The following RIN2 variants were observed in gnomAD, a reference collection of about 807,000 sequenced individuals.
The protein encoded by RIN2 is Ras and Rab interactor 2.
Under a neutral mutation model 78.0 loss-of-function variants are expected in RIN2, and 36 were observed. The observed-to-expected ratio is 0.46, with a 90% CI of 0.35 to 0.61. RIN2 has a LOEUF of 0.61. Ranked by LOEUF, RIN2 falls within the 20% of genes least tolerant of loss-of-function variation. RIN2 has a pLI of 0.00. For synonymous variants in RIN2, 466 were observed against 466.8 expected (o/e 1.00, Z 0.02); for missense variants, 1,087 against 1,159.7 (o/e 0.94, Z 0.91).
intron 3 of RIN2, among the ~76,000 whole-genome samples, chr20:19,905,693 ACTGCACTCC>A (rs2039189154): frequency 6.6e-6 from 1 of 152,226 alleles, no homozygotes; most frequent in Non-Finnish European, 1.5e-5. Context: ...GGCTGCAGCC[ACTGCACTCC>A]AGCCTGGACA....
chr20:19,971,101 G>A (rs748272070), intron 8 of RIN2, among the ~76,000 whole-genome samples, 172 bp downstream of exon 8: 4 of 152,138 alleles, frequency 2.6e-5, no homozygotes, highest in African/African-American at 7.2e-5. Context: ...ACGTGTTGAT[G>A]TCTTCCCTTT....
intron 4 of RIN2, among the ~76,000 whole-genome samples, chr20:19,948,249 C>T (rs554887491): frequency 7.2e-5 from 11 of 152,266 alleles, no homozygotes; most frequent in Non-Finnish European, 1.0e-4. Context: ...ATTTGACTTA[C>T]GGGCCACAAC....
chr20:19,844,665 TCTTC>T lies in RIN2; in HGVS notation c.-36-44896_-36-44893del, dbSNP rs1600597878. Among the ~76,000 whole-genome samples, 219 of 135,966 alleles carry T rather than the reference TCTTC, an allele frequency of 1.6e-3. 1 individual carries two copies. The highest frequency in any genetic ancestry group is 2.4e-3 in the East Asian group (11 of 4,632). The allele number at this position is 135,966 out of a possible 152,430, so 89.2% of individuals were successfully genotyped here. On this transcript the variant is annotated intron_variant, in intron 2 of 12. Transcript: ENST00000255006. The stretch of plus-strand genomic sequence containing the variant: ...TTCTTCTTCTTCTTCTTCTTCTTCT[TCTTC>T]CTTCTTCTTCTTCTTCCTCTTCCTC...
Position 19,867,257 on chromosome 20 carries a change from C to T in RIN2, c.-36-22309C>T, listed in dbSNP as rs375269672. Among the ~76,000 whole-genome samples, 14 of 152,260 alleles carry T rather than the reference C, an allele frequency of 9.2e-5. 1 individual carries two copies. The East Asian group carries it at 1.2e-3, about 13-fold the overall frequency. On this transcript the variant is annotated intron_variant, in intron 2 of 12. Coordinates refer to ENST00000255006, the MANE Select transcript of RIN2 (RefSeq NM_018993.4). ...ATTGGACAGTAAGTTGCATGAGTCA[C>T]GCCTCTTTACCACTCAATACTTTAG...
intron 3 of RIN2, among the ~76,000 whole-genome samples, chr20:19,899,593 T>C (rs1327316795): frequency 6.6e-6 from 1 of 151,936 alleles, no homozygotes; most frequent in Non-Finnish European, 1.5e-5. Flanking sequence ...TTGGGAGGAG[T>C]TGGTGGCCAG....
intron 9 of RIN2, among the ~76,000 whole-genome samples, chr20:19,976,386 C>T (rs1656280501): frequency 1.3e-5 from 2 of 152,186 alleles, no homozygotes; most frequent in Non-Finnish European, 2.9e-5. Flanking sequence ...TCATCCCATA[C>T]ACTTCTGTAA....
At chr20:19,779,240 A>T (rs1850214087) in intron 1 of RIN2, among the ~76,000 whole-genome samples, 1 of 152,158 alleles carries the variant, frequency 6.6e-6, no homozygotes, top group African/African-American at 2.4e-5. Context: ...AGCCAGTTTT[A>T]TATAGCAAAT....
chr20:19,930,243 T>G (rs185531680), intron 3 of RIN2, among the ~76,000 whole-genome samples: 22 of 152,218 alleles, frequency 1.4e-4, no homozygotes, highest in Non-Finnish European at 2.8e-4. Context: ...ATAGGTGGCA[T>G]GGCAATGGTG....
chr20:19,913,165 T>C (rs1489919981), intron 3 of RIN2, among the ~76,000 whole-genome samples: 2 of 152,218 alleles, frequency 1.3e-5, no homozygotes, highest in Non-Finnish European at 1.5e-5. Flanking sequence ...TACCTTGTTT[T>C]CTATGAAGTT....
intron 2 of RIN2, among the ~76,000 whole-genome samples, chr20:19,811,565 A>G (rs1453875537): frequency 1.3e-5 from 2 of 152,186 alleles, no homozygotes; most frequent in Non-Finnish European, 2.9e-5. Context: ...AGCATCCATC[A>G]CAGGGTGCTT....
At chr20:19,873,166 C>CTGGCTCCAGCCAGAGT (rs2037743643) in intron 2 of RIN2, among the ~76,000 whole-genome samples, 1 of 151,110 alleles carries the variant, frequency 6.6e-6, no homozygotes, top group East Asian at 1.9e-4. Flanking sequence ...GCTCTATCAC[C>CTGGCTCCAGCCAGAGT]CAGGCTGGAG....
Position 19,816,711 on chromosome 20 carries a change from C to T in RIN2, c.-37+16964C>T, listed in dbSNP as rs571241113. Among the ~76,000 whole-genome samples the T allele has an allele frequency of 6.2e-4, 94 of 152,288 alleles. 1 individual carries two copies. Among genetic ancestry groups the T allele is most frequent in the South Asian group, 4.1e-4 (2 of 4,820 alleles). ...AAACAAAAAGCCTGATCAAATATTTCCTGAACATATAGGAAGTATAATTCC... is the reference window on the plus strand; with the variant it reads ...AAACAAAAAGCCTGATCAAATATTTTCTGAACATATAGGAAGTATAATTCC... On this transcript the variant is annotated intron_variant, in intron 2 of 12. Transcript: ENST00000255006.
chr20:19,918,988 T>G (rs571166341), intron 3 of RIN2, among the ~76,000 whole-genome samples: 1 of 152,364 alleles, frequency 6.6e-6, no homozygotes, highest in South Asian at 2.1e-4. Flanking sequence ...TACTCTCCAA[T>G]GGAGTTTCTC....
intron 7 of RIN2, among the ~76,000 whole-genome samples, chr20:19,965,643 A>C (rs1476774999): frequency 6.6e-6 from 1 of 152,090 alleles, no homozygotes; most frequent in Non-Finnish European, 1.5e-5. Context: ...ATGAAGTCTC[A>C]CTCTGTCACC....
chr20:19,907,217 T>A (rs1320054385), intron 3 of RIN2, among the ~76,000 whole-genome samples: 4 of 152,172 alleles, frequency 2.6e-5, no homozygotes, highest in Non-Finnish European at 5.9e-5. Context: ...CCCAAAATAA[T>A]GGCGTTAATC....
In RIN2 at chr20:19,788,432, C is replaced by CAAAAAAAAAAAAAAAACAAA. The variant is rs1316215614; in HGVS notation, c.-162-11174_-162-11173insCAAAAAAAAAAAAAAAAAAA. Among the ~76,000 whole-genome samples, 182 of 53,712 alleles carry CAAAAAAAAAAAAAAAACAAA rather than the reference C, an allele frequency of 3.4e-3. 6 individuals carry two copies. The highest frequency in any genetic ancestry group is 0.018 in the African/African-American group (165 of 9,092). The allele number at this position is 53,712 out of a possible 152,430, so 35.2% of individuals were successfully genotyped here. On this transcript the variant is annotated intron_variant, in intron 1 of 12. Transcript: ENST00000255006. ...CAACATGGCGAAATCCTGTCTCTGC[C>CAAAAAAAAAAAAAAAACAAA]AAAAAAAAAAAAAAAAACAACTAGC...
intron 9 of RIN2, among the ~76,000 whole-genome samples, chr20:19,983,316 C>T (rs1330297572): frequency 6.6e-6 from 1 of 152,150 alleles, no homozygotes; most frequent in Non-Finnish European, 1.5e-5. Flanking sequence ...ATAGAAGTTA[C>T]CTGGTTTGCA....
intron 2 of RIN2, among the ~76,000 whole-genome samples, chr20:19,815,621 G>A (rs2035743704): frequency 6.6e-6 from 1 of 152,186 alleles, no homozygotes; most frequent in African/African-American, 2.4e-5. Flanking sequence ...GCGTGCATGT[G>A]TGTGGTTTTA....
At chr20:19,802,647 C>T (rs551860636) in intron 2 of RIN2, among the ~76,000 whole-genome samples, 68 of 152,162 alleles carry the variant, frequency 4.5e-4, no homozygotes, top group Middle Eastern at 3.4e-3. Context: ...TTTGGGTAGT[C>T]CCTACTTTCA....
Sources: allele counts gnomAD v4.1 joint callset (sites outside exome capture counted in the v4.1 genomes callset), GRCh38; gene constraint gnomAD v4.1.1; transcripts MANE v1.5; gene names NCBI Gene and HGNC (gene_info 2026-07-23, HGNC 2026-07-21).